CUX2: variants seen among roughly 807,000 people sequenced by gnomAD.
CUX2 encodes cut like homeobox 2.
Under a neutral mutation model 144.8 loss-of-function variants are expected in CUX2, and 40 were observed. The ratio of observed to expected loss-of-function variants is 0.28; its 90% CI spans 0.21 to 0.36. The LOEUF is 0.36. Among genes scored for constraint, CUX2 ranks in the 10% least tolerant of loss-of-function variants. The pLI, the probability that CUX2 is intolerant of heterozygous loss-of-function variation, is 1.00. For synonymous variants in CUX2, 827 were observed against 875.6 expected, an observed-to-expected ratio of 0.94 and a Z score of 0.98; for missense variants, 1,615 against 1,994.0, an observed-to-expected ratio of 0.81 and a Z score of 3.62.
At chr12:111,330,724 T>TATATACATATAC (rs1888074906) in intron 18 of CUX2, among the ~76,000 whole-genome samples, 3 of 51,342 alleles carry the variant, frequency 5.8e-5, no homozygotes, top group South Asian at 5.3e-4. Flanking sequence ...TATATATATA[T>TATATACATATAC]ATATATATAT....
intron 1 of CUX2, among the ~76,000 whole-genome samples, chr12:111,164,733 G>A (rs1282004094): frequency 1.3e-5 from 2 of 152,144 alleles, no homozygotes; most frequent in Non-Finnish European, 2.9e-5. Flanking sequence ...GAGGCACAGA[G>A]GAATGTTAGG....
chr12:111,195,470 C>T (rs1047527228), intron 1 of CUX2, among the ~76,000 whole-genome samples: 9 of 152,228 alleles, frequency 5.9e-5, no homozygotes, highest in Non-Finnish European at 8.8e-5. Context: ...TCACTGGGCA[C>T]CAGCCTCCGG....
rs1438343324 is a variant in CUX2 at position 111,263,412 on chromosome 12, C to T, written c.223-349C>T. On this transcript the variant is annotated intron_variant, in intron 3 of 21. Transcript: ENST00000261726. The surrounding 1 kb of genome is among the most constrained non-coding windows in gnomAD (Gnocchi z 4.0). ...CCTGAGGTCAAGAGTTTGAGACCATCCTGGCCAACGTGGTCAAACCGTCTC... is the reference window on the plus strand; with the variant it reads ...CCTGAGGTCAAGAGTTTGAGACCATTCTGGCCAACGTGGTCAAACCGTCTC... Among the ~76,000 whole-genome samples, 3 of 152,168 alleles carry T rather than the reference C, an allele frequency of 2.0e-5. No homozygotes were observed. The highest frequency in any genetic ancestry group is 6.5e-5 in the Admixed American group (1 of 15,274).
In CUX2 at chr12:111,090,804, G is replaced by T. The variant is rs559789676; in HGVS notation, c.63+56564G>T. On this transcript the variant is annotated intron_variant, in intron 1 of 21. Transcript: ENST00000261726. ...GTGCCACCAACCCATCAGCTGAACA[G>T]AGATGCTACTTCTCACTCTCTCTGT... Among the ~76,000 whole-genome samples, 351 of 152,090 alleles carry T rather than the reference G, an allele frequency of 2.3e-3. 4 individuals carry two copies. The highest frequency in any genetic ancestry group is 8.3e-3 in the African/African-American group (345 of 41,482).
intron 1 of CUX2, among the ~76,000 whole-genome samples, chr12:111,080,861 A>C (rs995219083): frequency 6.6e-6 from 1 of 152,190 alleles, no homozygotes. Context: ...CAACAAATAT[A>C]AGTTATTGTT....
intron 1 of CUX2, among the ~76,000 whole-genome samples, chr12:111,054,499 T>A (rs1232513739): frequency 6.6e-6 from 1 of 152,230 alleles, no homozygotes; most frequent in African/African-American, 2.4e-5. Flanking sequence ...AAGAGCTTTT[T>A]AAATTTTTTT....
rs757613882 is a variant in CUX2, at chr12:111,034,226, C to T, written c.49C>T (p.Leu17=). ...SMFQYWKRFD[L]RRLQKELNSV... is the part of the protein sequence containing the mutation. ...GTTTCAATATTGGAAGCGATTTGAT[C>T]TACGGCGACTCCAGGTTAGTGCGGG... is the stretch of plus-strand genomic sequence containing the variant. Residue 17 remains leucine, a synonymous_variant, in exon 1 of 22, where the codon CTA becomes TTA. Coordinates refer to ENST00000261726, the MANE Select transcript of CUX2 (RefSeq NM_015267.4). The surrounding 1 kb of genome is among the most constrained non-coding windows in gnomAD (Gnocchi z 4.2). The T allele has an allele frequency of 7.1e-7, 1 of 1,398,800 alleles. No individual in the cohort carries two copies. Among genetic ancestry groups the T allele is most frequent in the East Asian group, 4.0e-5 (1 of 24,850 alleles). The allele number at this position is 1,398,800 out of a possible 1,614,324, so 86.6% of individuals were successfully genotyped here. A position where few individuals can be genotyped will look rare whatever the true frequency, so the allele number is the denominator to read the frequency against.
chr12:111,203,250 A>G (rs989551159), intron 1 of CUX2, among the ~76,000 whole-genome samples: 51 of 151,500 alleles, frequency 3.4e-4, no homozygotes, highest in African/African-American at 1.2e-3. Context: ...AAAAAAAAAA[A>G]AAAATCAGTA....
intron 1 of CUX2, among the ~76,000 whole-genome samples, chr12:111,081,794 C>G (rs550377092): frequency 6.6e-6 from 1 of 152,218 alleles, no homozygotes; most frequent in Non-Finnish European, 1.5e-5. Flanking sequence ...AGGTGCTGTT[C>G]TGTTCCCCTT....
At position 111,291,407 on chromosome 12, in the gene CUX2, T is replaced by C; in HGVS notation, c.302-11T>C. ...GGCCCTCACTATCCCTGTCTTTCTC[T>C]CCCTGCACAGACCCCGTGCCTGTGT... On this transcript the variant is annotated splice_polypyrimidine_tract_variant and intron_variant, in intron 4 of 21. Transcript: ENST00000261726. The C allele has an allele frequency of 6.2e-7, 1 of 1,602,802 alleles. No homozygotes were observed. The highest frequency in any genetic ancestry group is 8.5e-7 in the Non-Finnish European group (1 of 1,174,928).
intron 3 of CUX2, among the ~76,000 whole-genome samples, chr12:111,258,512 CAAAAAA>C (rs895707620): frequency 3.0e-5 from 2 of 65,952 alleles, no homozygotes; most frequent in East Asian, 4.7e-4. Flanking sequence ...GACTCCATCT[CAAAAAA>C]AAAAAAAAAA....
intron 1 of CUX2, among the ~76,000 whole-genome samples, chr12:111,146,116 A>T (rs1284890378): frequency 1.3e-5 from 2 of 152,338 alleles, no homozygotes; most frequent in East Asian, 1.9e-4. Context: ...TACACGGCAC[A>T]TTCTCTACCA....
intron 1 of CUX2, among the ~76,000 whole-genome samples, chr12:111,182,879 T>C (rs1410417662): frequency 6.6e-6 from 1 of 152,174 alleles, no homozygotes; most frequent in Non-Finnish European, 1.5e-5. Flanking sequence ...CATAGCTCCC[T>C]GGTGACAGGG....
At chr12:111,114,134 G>A (rs1211246378) in intron 1 of CUX2, among the ~76,000 whole-genome samples, 1 of 152,120 alleles carries the variant, frequency 6.6e-6, no homozygotes, top group Non-Finnish European at 1.5e-5. Flanking sequence ...TTTGATAAGT[G>A]CATGTTTAAC....
At chr12:111,328,832 C>T (rs2136421304) in intron 18 of CUX2, among the ~76,000 whole-genome samples, 1 of 152,128 alleles carries the variant, frequency 6.6e-6, no homozygotes, top group African/African-American at 2.4e-5. Flanking sequence ...AGGTGATCCA[C>T]CCACCTTGGC....
rs200036593 is a variant in CUX2 at position 111,291,547 on chromosome 12, C to T, written c.431C>T (p.Pro144Leu). ...AAGAGGAACCCCGAGCTCCTCAGCCCCAAAGGTACTGATAAGGCCTTCTCG... is the reference window on the plus strand; with the variant it reads ...AAGAGGAACCCCGAGCTCCTCAGCCTCAAAGGTACTGATAAGGCCTTCTCG... ...SWKRNPELLS[P>L]KEQREGTSPA... Residue 144 changes from proline (P) to leucine (L), a missense_variant, in exon 5 of 22, where the codon CCC becomes CTC. Around this residue, in one of 12 missense-constraint regions of CUX2, gnomAD observed 295 missense variants for 400.2 expected, o/e 0.74. Transcript: ENST00000261726. 2.5e-6 allele frequency: 4 copies of T among 1,607,216 alleles called. No homozygotes were observed. In the Admixed American group the frequency reaches 5.1e-5, roughly 20 times the overall value.
At chr12:111,269,339 G>C (rs960104771) in intron 4 of CUX2, among the ~76,000 whole-genome samples, 6 of 152,128 alleles carry the variant, frequency 3.9e-5, no homozygotes, top group Non-Finnish European at 8.8e-5. Context: ...AAGGTTATTG[G>C]AGCAAAAAGA....
At chr12:111,236,435 A>T (rs1029881714) in intron 3 of CUX2, among the ~76,000 whole-genome samples, 1 of 152,216 alleles carries the variant, frequency 6.6e-6, no homozygotes, top group East Asian at 1.9e-4. Context: ...TGTAGAGATG[A>T]GTGACTGAGG....
intron 3 of CUX2, among the ~76,000 whole-genome samples, chr12:111,220,527 G>T (rs1245961899): frequency 6.6e-6 from 1 of 151,928 alleles, no homozygotes; most frequent in Non-Finnish European, 1.5e-5. Flanking sequence ...CCTCAACTCT[G>T]CTCCTAAACC....
Sources: gnomAD v4.1 joint callset for allele counts (sites outside exome capture counted in the v4.1 genomes callset) on GRCh38, gnomAD v4.1.1 for gene constraint, gnomAD v4.1.1 regional missense constraint, Gnocchi (gnomAD v3.1) non-coding constraint, MANE v1.5 for transcripts, NCBI Gene and HGNC (gene_info 2026-07-23, HGNC 2026-07-21) for gene names.